ETV6: variants seen among roughly 807,000 people sequenced by gnomAD.
ETV6 encodes the protein transcription factor ETV6.
In ETV6, 16 loss-of-function variants were observed where a neutral mutation model predicts 51.1. The observed-to-expected ratio is 0.31, with a 90% CI of 0.21 to 0.48. The LOEUF (loss-of-function observed/expected upper bound fraction) is 0.48, where lower values mean the gene tolerates loss of function less well. Among genes scored for constraint, ETV6 ranks in the 20% least tolerant of loss-of-function variants. The pLI, the probability that ETV6 is intolerant of heterozygous loss-of-function variation, is 0.99. For synonymous variants in ETV6, 240 were observed against 224.1 expected, an observed-to-expected ratio of 1.07 and a Z score of -0.64; for missense variants, 458 against 594.8, an observed-to-expected ratio of 0.77 and a Z score of 2.39.
chr12:11,859,290 C>T (rs1169877225), intron 4 of ETV6, among the ~76,000 whole-genome samples: 6 of 151,352 alleles, frequency 4.0e-5, no homozygotes, highest in South Asian at 2.1e-4. Flanking sequence ...TACAGGCATC[C>T]GCCACCATGC....
At position 11,716,272 on chromosome 12, in the gene ETV6, A is replaced by G. The variant is rs536035258; in HGVS notation, c.34-36178A>G. On this transcript the variant is annotated intron_variant, in intron 1 of 7. Coordinates refer to ENST00000396373, the MANE Select transcript of ETV6 (RefSeq NM_001987.5). ...CGTGAATCTGGGAGGCTGAGCTTGC[A>G]GTGAGCGGAGATCATGCCACTGCAC... Among the ~76,000 whole-genome samples, 3 of 130,010 alleles carry G rather than the reference A, an allele frequency of 2.3e-5. No homozygotes were observed. The East Asian group carries it at 7.9e-4, about 34-fold the overall frequency. The allele number at this position is 130,010 out of a possible 152,430, so 85.3% of individuals were successfully genotyped here.
chr12:11,708,856 G>A (rs1865119630), intron 1 of ETV6, among the ~76,000 whole-genome samples: 1 of 152,166 alleles, frequency 6.6e-6, no homozygotes, highest in African/African-American at 2.4e-5. Flanking sequence ...AGACCCTGTG[G>A]GAGAGTAGAA....
intron 1 of ETV6, among the ~76,000 whole-genome samples, chr12:11,720,471 A>G (rs1258188446): frequency 1.3e-5 from 2 of 152,240 alleles, no homozygotes; most frequent in African/African-American, 4.8e-5. Context: ...AAAAACAAGC[A>G]ATGGGGTAAA....
chr12:11,677,717 C>A (rs1251414044), intron 1 of ETV6, among the ~76,000 whole-genome samples: 1 of 152,236 alleles, frequency 6.6e-6, no homozygotes, highest in African/African-American at 2.4e-5. Context: ...GTGCCACTTA[C>A]TCTATAACTT....
chr12:11,653,599 A>C (rs977009425), intron 1 of ETV6, among the ~76,000 whole-genome samples: 1 of 151,876 alleles, frequency 6.6e-6, no homozygotes, highest in Non-Finnish European at 1.5e-5. Context: ...TTTCTCAGTA[A>C]TGTTTGCTGA....
intron 1 of ETV6, among the ~76,000 whole-genome samples, chr12:11,738,228 C>T (rs945630381): frequency 7.6e-6 from 1 of 132,126 alleles, no homozygotes; most frequent in Admixed American, 7.3e-5. Context: ...TTCCTTCCCT[C>T]CCTCCCTCCT....
chr12:11,783,799 C>G (rs774329351), intron 2 of ETV6, among the ~76,000 whole-genome samples: 16 of 152,124 alleles, frequency 1.1e-4, no homozygotes, highest in Admixed American at 2.0e-4. Context: ...GGCTTCATAA[C>G]TTGTGGAAAC....
chr12:11,812,732 G>A lies in ETV6; in HGVS notation c.164-26408G>A, dbSNP rs1259641431. The stretch of plus-strand genomic sequence containing the variant: ...TAGGACTGTAACAAAAGGCTTCTGT[G>A]AGTTTGAAAGCTGCAGGGGAGGCTC... On this transcript the variant is annotated intron_variant, in intron 2 of 7. Transcript: ENST00000396373. 3.9e-5 allele frequency among the ~76,000 whole-genome samples: 6 copies of A among 152,296 alleles called. No homozygotes were observed. In the South Asian group the frequency reaches 1.0e-3, roughly 26 times the overall value.
At chr12:11,731,267 G>A (rs1865591689) in intron 1 of ETV6, among the ~76,000 whole-genome samples, 1 of 152,198 alleles carries the variant, frequency 6.6e-6, no homozygotes, top group African/African-American at 2.4e-5. Context: ...CTAACACAGT[G>A]TTTAATTAAA....
At chr12:11,841,091 A>G (rs954838164) in intron 3 of ETV6, among the ~76,000 whole-genome samples, 1 of 152,220 alleles carries the variant, frequency 6.6e-6, no homozygotes, top group Non-Finnish European at 1.5e-5. Flanking sequence ...AAGTCTCTAT[A>G]AATTTCCCCT....
chr12:11,699,588 A>G (rs896460267), intron 1 of ETV6, among the ~76,000 whole-genome samples: 5 of 152,190 alleles, frequency 3.3e-5, no homozygotes, highest in Admixed American at 2.0e-4. Context: ...ATACTTGAAA[A>G]TATATATAAA....
chr12:11,740,940 T>C (rs186274514), intron 1 of ETV6, among the ~76,000 whole-genome samples: 1 of 152,342 alleles, frequency 6.6e-6, no homozygotes, highest in Admixed American at 6.5e-5. Flanking sequence ...CCTCAATTTC[T>C]ACATCTGTGA....
chr12:11,890,621 C>T lies in ETV6; in HGVS notation c.1254-320C>T, dbSNP rs111928364. 0.011 allele frequency among the ~76,000 whole-genome samples: 1,606 copies of T among 151,310 alleles called. 22 individuals carry two copies. Among genetic ancestry groups the T allele is most frequent in the African/African-American group, 0.034 (1,413 of 41,242 alleles). ...TTTTTTTTTGGTAGAGGTGGGGTCT[C>T]GCTATGTTGCCCAAGCTGGTCTCAA... is the stretch of plus-strand genomic sequence containing the variant. On this transcript the variant is annotated intron_variant, in intron 7 of 7. Transcript: ENST00000396373.
chr12:11,703,285 C>A (rs533840550), intron 1 of ETV6, among the ~76,000 whole-genome samples: 73 of 150,672 alleles, frequency 4.8e-4, no homozygotes, highest in African/African-American at 1.7e-3. Flanking sequence ...AGAAAATCAT[C>A]TTTTGTTAAC....
chr12:11,779,045 A>G (rs1015153301), intron 2 of ETV6, among the ~76,000 whole-genome samples: 1 of 152,160 alleles, frequency 6.6e-6, no homozygotes, highest in Admixed American at 6.5e-5. Flanking sequence ...CTAGGCCCTG[A>G]ATACTTCAGA....
intron 2 of ETV6, among the ~76,000 whole-genome samples, chr12:11,775,246 C>T (rs920414786): frequency 3.3e-5 from 5 of 152,262 alleles, no homozygotes; most frequent in Admixed American, 1.3e-4. Flanking sequence ...GACTGGATGG[C>T]GGCAGCAGAA....
chr12:11,887,379 G>C (rs1445956181), intron 7 of ETV6, among the ~76,000 whole-genome samples: 1 of 152,100 alleles, frequency 6.6e-6, no homozygotes, highest in Non-Finnish European at 1.5e-5. Context: ...TTTCCTGTAG[G>C]CTGTGTCCCC....
chr12:11,680,579 A>C (rs997287281), intron 1 of ETV6, among the ~76,000 whole-genome samples: 1 of 152,222 alleles, frequency 6.6e-6, no homozygotes, highest in Non-Finnish European at 1.5e-5. Flanking sequence ...AACTCTCTCC[A>C]TTAAAGACTC....
chr12:11,812,087 G>T (rs1945922088), intron 2 of ETV6, among the ~76,000 whole-genome samples: 2 of 152,296 alleles, frequency 1.3e-5, no homozygotes, highest in East Asian at 3.9e-4. Context: ...ATAGAACACT[G>T]TAAAATATGC....
Sources: allele counts gnomAD v4.1 joint callset (sites outside exome capture counted in the v4.1 genomes callset), GRCh38; gene constraint gnomAD v4.1.1; transcripts MANE v1.5; gene names NCBI Gene and HGNC (gene_info 2026-07-23, HGNC 2026-07-21).